BORCS5: variants seen among roughly 807,000 people sequenced by gnomAD.
BORCS5 encodes the protein BLOC-1 related complex subunit 5, also known as BLOC-1-related complex subunit 5.
In BORCS5, 17 loss-of-function variants were observed where a neutral mutation model predicts 22.1. The observed-to-expected ratio is 0.77, with a 90% CI of 0.53 to 1.15. The LOEUF (loss-of-function observed/expected upper bound fraction) is 1.15. Among genes scored for constraint, BORCS5 ranks in the 50% most tolerant of loss-of-function variants. The pLI is 0.00. For missense variants in BORCS5, 247 were observed against 253.2 expected, an observed-to-expected ratio of 0.98 and a Z score of 0.17; for synonymous variants, 117 against 99.8, an observed-to-expected ratio of 1.17 and a Z score of -1.03.
chr12:12,394,635 A>G (rs1941285958), intron 2 of BORCS5, among the ~76,000 whole-genome samples: 1 of 151,966 alleles, frequency 6.6e-6, no homozygotes, highest in African/African-American at 2.4e-5. Flanking sequence ...AGTAGCTGGG[A>G]CTACAGATGT....
intron 3 of BORCS5, among the ~76,000 whole-genome samples, chr12:12,457,695 A>G (rs1384793486): frequency 1.3e-5 from 2 of 152,176 alleles, no homozygotes; most frequent in African/African-American, 4.8e-5. Context: ...GAGCTCAGGA[A>G]TGATTTCAGA....
chr12:12,448,630 G>T (rs899606034), intron 3 of BORCS5, among the ~76,000 whole-genome samples: 4 of 151,368 alleles, frequency 2.6e-5, no homozygotes, highest in African/African-American at 9.7e-5. Flanking sequence ...CTGGTTTCAA[G>T]CGATTCTCCT....
chr12:12,378,314 G>A (rs1036461575), intron 2 of BORCS5, among the ~76,000 whole-genome samples: 16 of 152,230 alleles, frequency 1.1e-4, no homozygotes, highest in Admixed American at 9.8e-4. Flanking sequence ...AGAGGTTGCA[G>A]TGAGCCAAGA....
At chr12:12,452,598 G>T (rs1232599036) in intron 3 of BORCS5, 1 of 330,250 alleles carries the variant, frequency 3.0e-6, no homozygotes, top group Non-Finnish European at 5.9e-6. Context: ...CCGCACGCCG[G>T]CAAGAGTTTA....
rs887351218 is a variant in BORCS5, at chr12:12,469,854, G to A, written c.*4078G>A. Among the ~76,000 whole-genome samples, 3 of 152,170 alleles carry A rather than the reference G, an allele frequency of 2.0e-5. No individual in the cohort carries two copies. The highest frequency in any genetic ancestry group is 4.8e-5 in the African/African-American group (2 of 41,442). Reference sequence around the variant, plus strand: ...CTTTTTAGGTATGAAATTTAATCACGAGAGTAGTTTTGCTTTTCTTTCCCT... The same window carrying A: ...CTTTTTAGGTATGAAATTTAATCACAAGAGTAGTTTTGCTTTTCTTTCCCT... On this transcript the variant is annotated 3_prime_UTR_variant, in exon 4 of 4. Coordinates refer to ENST00000314565, the MANE Select transcript of BORCS5 (RefSeq NM_058169.6).
At position 12,438,386 on chromosome 12, in the gene BORCS5, AAC is replaced by A. The variant is rs1565915806; in HGVS notation, c.360+2603_360+2604del. 5.0e-5 allele frequency among the ~76,000 whole-genome samples: 6 copies of A among 119,508 alleles called. 1 individual carries two copies. The highest frequency in any genetic ancestry group is 3.0e-4 in the African/African-American group (6 of 19,836). 78.4% of individuals were successfully genotyped at this position (119,508 alleles called of 152,430 possible). A position where few individuals can be genotyped will look rare whatever the true frequency, so the allele number is the denominator to read the frequency against. The stretch of plus-strand genomic sequence containing the variant: ...AAAAAAAAAAAAAAAAAAAACGAAA[AAC>A]AACAACAAAAACCTCTAATCCATAT... On this transcript the variant is annotated intron_variant, in intron 3 of 3. Transcript: ENST00000314565.
intron 2 of BORCS5, among the ~76,000 whole-genome samples, chr12:12,419,193 C>T (rs1183530698): frequency 1.3e-5 from 2 of 152,168 alleles, no homozygotes; most frequent in African/African-American, 4.8e-5. Flanking sequence ...ATCCCTCCGC[C>T]AGCTCCTCAC....
rs558218589 is a variant in BORCS5 at position 12,446,303 on chromosome 12, A to G, written c.360+10518A>G. Reference sequence around the variant, plus strand: ...GATATAAAATGTCAGTAGGGTAGAAATTTTACATGGGGTGACACAGAAGGC... The same window carrying G: ...GATATAAAATGTCAGTAGGGTAGAAGTTTTACATGGGGTGACACAGAAGGC... On this transcript the variant is annotated intron_variant, in intron 3 of 3. Coordinates refer to ENST00000314565, the MANE Select transcript of BORCS5 (RefSeq NM_058169.6). Among the ~76,000 whole-genome samples, 17 of 152,278 alleles carry G rather than the reference A, an allele frequency of 1.1e-4. No individual in the cohort carries two copies. In the South Asian group the frequency reaches 3.5e-3, roughly 32 times the overall value.
At chr12:12,416,635 T>A (rs924658467) in intron 2 of BORCS5, among the ~76,000 whole-genome samples, 1 of 151,778 alleles carries the variant, frequency 6.6e-6, no homozygotes, top group Non-Finnish European at 1.5e-5. Context: ...TATTTACTTA[T>A]TTTTTTAAAG....
At chr12:12,423,178 A>G (rs1942185144) in intron 2 of BORCS5, among the ~76,000 whole-genome samples, 1 of 151,418 alleles carries the variant, frequency 6.6e-6, no homozygotes. Context: ...ATTTTTTTGT[A>G]TTTTTAGTAG....
intron 2 of BORCS5, among the ~76,000 whole-genome samples, chr12:12,433,730 T>TGTTA (rs1371147705): frequency 6.6e-6 from 1 of 152,180 alleles, no homozygotes; most frequent in Non-Finnish European, 1.5e-5. Context: ...TGCTCTCCTG[T>TGTTA]GTTAGGACTT....
At chr12:12,360,473 T>G (rs987589933) in intron 1 of BORCS5, among the ~76,000 whole-genome samples, 1 of 151,990 alleles carries the variant, frequency 6.6e-6, no homozygotes, top group Non-Finnish European at 1.5e-5. Context: ...CTCACTGTGG[T>G]CTTGACCTCC....
At chr12:12,461,646 A>T (rs1943107616) in intron 3 of BORCS5, among the ~76,000 whole-genome samples, 1 of 152,168 alleles carries the variant, frequency 6.6e-6, no homozygotes, top group Admixed American at 6.5e-5. Flanking sequence ...CAACTCAAAG[A>T]TGTAACCTTC....
chr12:12,411,035 T>C (rs948893206), intron 2 of BORCS5, among the ~76,000 whole-genome samples: 5 of 152,204 alleles, frequency 3.3e-5, no homozygotes, highest in Admixed American at 3.3e-4. Context: ...TGTCTGTTAT[T>C]GGTGTATAGG....
In BORCS5 at chr12:12,421,388, C is replaced by T. The variant is rs374202221; in HGVS notation, c.203-14240C>T. ...TGTATGTTGAACCAGCCTTGCATCC[C>T]AGGGATGAAGCCGACTTGATCGTGG... On this transcript the variant is annotated intron_variant, in intron 2 of 3. Coordinates refer to ENST00000314565, the MANE Select transcript of BORCS5 (RefSeq NM_058169.6). Among the ~76,000 whole-genome samples the T allele has an allele frequency of 7.9e-5, 12 of 152,284 alleles. No homozygotes were observed. In the East Asian group the frequency reaches 1.2e-3, roughly 15 times the overall value.
chr12:12,392,336 A>G (rs1168681459), intron 2 of BORCS5, among the ~76,000 whole-genome samples: 1 of 152,072 alleles, frequency 6.6e-6, no homozygotes, highest in Non-Finnish European at 1.5e-5. Context: ...AATTATCTCC[A>G]AAGTCTGTGC....
intron 2 of BORCS5, among the ~76,000 whole-genome samples, chr12:12,430,021 C>T (rs1942381318): frequency 6.6e-6 from 1 of 152,112 alleles, no homozygotes; most frequent in Non-Finnish European, 1.5e-5. Context: ...ACTGCATACT[C>T]GTACCCTAAT....
At position 12,462,862 on chromosome 12, in the gene BORCS5, GC is replaced by G. The variant is rs1943135771; in HGVS notation, c.361-2681del. ...AATAGAGACGGAGTTTCGCCGTGTTGCCCAGGCTGGTCTCGAACTCCTGAGC... is the reference window on the plus strand; with the variant it reads ...AATAGAGACGGAGTTTCGCCGTGTTGCCAGGCTGGTCTCGAACTCCTGAGC... On this transcript the variant is annotated intron_variant, in intron 3 of 3. Transcript: ENST00000314565. Among the ~76,000 whole-genome samples the G allele has an allele frequency of 5.3e-5, 8 of 152,038 alleles. 1 individual carries two copies. Among genetic ancestry groups the G allele is most frequent in the Admixed American group, 5.2e-4 (8 of 15,264 alleles).
At chr12:12,394,654 T>C (rs1017091631) in intron 2 of BORCS5, among the ~76,000 whole-genome samples, 1 of 152,014 alleles carries the variant, frequency 6.6e-6, no homozygotes, top group Non-Finnish European at 1.5e-5. Flanking sequence ...GTATTCCATC[T>C]TGCCAGGCTG....
Sources: gnomAD v4.1 joint callset for allele counts (sites outside exome capture counted in the v4.1 genomes callset) on GRCh38, gnomAD v4.1.1 for gene constraint, MANE v1.5 for transcripts, NCBI Gene and HGNC (gene_info 2026-07-23, HGNC 2026-07-21) for gene names.